The following SPTBN1 variants were observed in gnomAD, a reference collection of about 807,000 sequenced individuals.
The protein encoded by SPTBN1 is spectrin beta chain, non-erythrocytic 1.
A neutral mutation model predicts 266.4 loss-of-function variants in SPTBN1; 32 were observed. That is an observed-to-expected ratio of 0.12 (90% CI 0.09 to 0.16). SPTBN1 has a LOEUF of 0.16. Among genes scored for constraint, SPTBN1 ranks in the 10% least tolerant of loss-of-function variants. The probability of loss-of-function intolerance (pLI) is 1.00; values close to 1 mark genes in which losing one functional copy is unlikely to be tolerated. For synonymous variants in SPTBN1, 1,336 were observed against 1,162.2 expected (o/e 1.15, Z -3.04); for missense variants, 2,296 against 3,067.1 (o/e 0.75, Z 5.94).
intron 17 of SPTBN1, among the ~76,000 whole-genome samples, chr2:54,636,117 C>G (rs1200995709): frequency 6.6e-6 from 1 of 152,130 alleles, no homozygotes; most frequent in African/African-American, 2.4e-5. Context: ...GCTTTCTAAC[C>G]CATGCCTTGG....
intron 3 of SPTBN1, among the ~76,000 whole-genome samples, chr2:54,609,065 G>A (rs1445588800): frequency 2.6e-5 from 4 of 152,118 alleles, no homozygotes; most frequent in African/African-American, 9.7e-5. Flanking sequence ...TAGTAGAAGT[G>A]GAGGAGGTAG....
chr2:54,615,428 A>T (rs1677535594), intron 4 of SPTBN1, among the ~76,000 whole-genome samples: 2 of 152,276 alleles, frequency 1.3e-5, no homozygotes, highest in Non-Finnish European at 2.9e-5. Context: ...TAATAGACAA[A>T]AGTGTATTTG....
At position 54,664,326 on chromosome 2, in the gene SPTBN1, G is replaced by C. The variant is rs1681234336; in HGVS notation, c.6421-127G>C. The C allele has an allele frequency of 1.0e-6, 1 of 970,664 alleles. No individual in the cohort carries two copies. The allele number at this position is 970,664 out of a possible 1,614,324, so 60.1% of individuals were successfully genotyped here. A position where few individuals can be genotyped will look rare whatever the true frequency, so the allele number is the denominator to read the frequency against. The stretch of plus-strand genomic sequence containing the variant: ...CAGCTGGCTTTGTGGGTGTGCAATG[G>C]TTTTACTGTACTGCCTCGATCTGTG... On this transcript the variant is annotated intron_variant, in intron 32 of 35. Coordinates refer to ENST00000356805, the MANE Select transcript of SPTBN1 (RefSeq NM_003128.3). The surrounding 1 kb of genome is among the most constrained non-coding windows in gnomAD (Gnocchi z 5.6).
chr2:54,583,626 A>G (rs1675095661), intron 2 of SPTBN1, among the ~76,000 whole-genome samples: 1 of 152,208 alleles, frequency 6.6e-6, no homozygotes, highest in Non-Finnish European at 1.5e-5. Context: ...ATCTATTACA[A>G]GGAAGTATTA....
rs1678612645 is a variant in SPTBN1 at position 54,629,812 on chromosome 2, G to T, written c.2669+9G>T. ...GAGGTCATCCAGCACAGGTGAGCGGGGCGCTGGTCAGCCACTGGCCTGTTC... is the reference window on the plus strand; with the variant it reads ...GAGGTCATCCAGCACAGGTGAGCGGTGCGCTGGTCAGCCACTGGCCTGTTC... On this transcript the variant is annotated intron_variant, in intron 14 of 35. Transcript: ENST00000356805. 1 of 1,609,836 alleles carries T rather than the reference G, an allele frequency of 6.2e-7. No individual in the cohort carries two copies. The highest frequency in any genetic ancestry group is 8.5e-7 in the Non-Finnish European group (1 of 1,178,518).
intron 2 of SPTBN1, among the ~76,000 whole-genome samples, chr2:54,566,843 T>C (rs1022363483): frequency 2.0e-5 from 3 of 151,576 alleles, no homozygotes; most frequent in African/African-American, 4.8e-5. Flanking sequence ...AAAAAAAAAG[T>C]TTGATGATTG....
chr2:54,618,851 T>G (rs1677810756), intron 7 of SPTBN1, among the ~76,000 whole-genome samples: 1 of 152,146 alleles, frequency 6.6e-6, no homozygotes, highest in South Asian at 2.1e-4. Context: ...CATCCCATTA[T>G]CTGCACGGAA....
At chr2:54,591,438 G>T (rs1675674613) in intron 2 of SPTBN1, among the ~76,000 whole-genome samples, 2 of 152,138 alleles carry the variant, frequency 1.3e-5, no homozygotes, top group South Asian at 4.1e-4. Flanking sequence ...TCTTACTTAG[G>T]GGGTAGGCCA....
intron 2 of SPTBN1, among the ~76,000 whole-genome samples, chr2:54,584,253 C>A (rs1206048391): frequency 6.6e-6 from 1 of 152,106 alleles, no homozygotes; most frequent in Non-Finnish European, 1.5e-5. Context: ...ATAAGGATGT[C>A]CCGTATTTTA....
At chr2:54,458,039 T>G (rs1385789341) in intron 1 of SPTBN1, among the ~76,000 whole-genome samples, 1 of 152,132 alleles carries the variant, frequency 6.6e-6, no homozygotes, top group Admixed American at 6.5e-5. Context: ...AGTCGCAGCG[T>G]TTTTCTGTGG....
intron 1 of SPTBN1, among the ~76,000 whole-genome samples, chr2:54,461,706 T>G (rs534365799): frequency 3.3e-5 from 5 of 152,372 alleles, no homozygotes; most frequent in African/African-American, 1.2e-4. Context: ...CTGTTTACAT[T>G]ATTAACCATT....
intron 2 of SPTBN1, among the ~76,000 whole-genome samples, chr2:54,569,618 T>A (rs938953265): frequency 6.6e-6 from 1 of 152,230 alleles, no homozygotes; most frequent in African/African-American, 2.4e-5. Context: ...CTGTGCCTCT[T>A]ACCAAATATT....
At chr2:54,459,342 G>A (rs1365667449) in intron 1 of SPTBN1, among the ~76,000 whole-genome samples, 1 of 152,248 alleles carries the variant, frequency 6.6e-6, no homozygotes, top group Non-Finnish European at 1.5e-5. Flanking sequence ...GAGCAAATGA[G>A]AAGACCTCCC....
At chr2:54,614,782 G>A (rs528581131) in intron 4 of SPTBN1, among the ~76,000 whole-genome samples, 16 of 151,200 alleles carry the variant, frequency 1.1e-4, no homozygotes, top group Admixed American at 9.2e-4. Flanking sequence ...CAGCCTGGGC[G>A]ACAGAGACTG....
chr2:54,525,251 A>AT (rs533893721), intron 1 of SPTBN1, among the ~76,000 whole-genome samples: 55 of 147,326 alleles, frequency 3.7e-4, no homozygotes, highest in African/African-American at 6.7e-4. Flanking sequence ...TTACATCTTA[A>AT]TTTTTTTTTT....
At chr2:54,517,689 A>G (rs1317368293) in intron 1 of SPTBN1, among the ~76,000 whole-genome samples, 1 of 148,562 alleles carries the variant, frequency 6.7e-6, no homozygotes, top group Non-Finnish European at 1.5e-5. Context: ...TCTGCCACCC[A>G]GGCTGGAGTG....
In SPTBN1 at chr2:54,649,081, A is replaced by C; in HGVS notation, c.5093A>C (p.His1698Pro). 1 of 1,614,224 alleles carries C rather than the reference A, an allele frequency of 6.2e-7. No individual in the cohort carries two copies. The highest frequency in any genetic ancestry group is 8.5e-7 in the Non-Finnish European group (1 of 1,180,022). Residue 1698 changes from histidine to proline, a missense_variant, in exon 25 of 36, where the codon CAC becomes CCC. This residue lies in a region of SPTBN1 where 644 missense variants were observed against 745.3 expected (regional missense o/e 0.86). Coordinates refer to ENST00000356805, the MANE Select transcript of SPTBN1 (RefSeq NM_003128.3). This position sits in a 1 kb window ranked among gnomAD's most constrained non-coding sequence, Gnocchi z 6.7. ...EERRGKLDER[H>P]RLFQLNREVD... is the part of the protein sequence containing the mutation. ...AGAAGAGGCAAGCTGGATGAGAGACACAGGTTATTCCAGCTCAACCGGGAG... is the reference window on the plus strand; with the variant it reads ...AGAAGAGGCAAGCTGGATGAGAGACCCAGGTTATTCCAGCTCAACCGGGAG...
chr2:54,504,865 C>T (rs1466474803), intron 1 of SPTBN1, among the ~76,000 whole-genome samples: 1 of 151,926 alleles, frequency 6.6e-6, no homozygotes, highest in African/African-American at 2.4e-5. Context: ...TTTCCAGTGG[C>T]GTACTTAAAA....
intron 4 of SPTBN1, among the ~76,000 whole-genome samples, chr2:54,613,677 A>C (rs1677381315): frequency 2.0e-5 from 3 of 152,260 alleles, no homozygotes; most frequent in Non-Finnish European, 4.4e-5. Context: ...CAACATCATT[A>C]AAGGAGTTAA....
Sources: allele counts gnomAD v4.1 joint callset (sites outside exome capture counted in the v4.1 genomes callset), GRCh38; gene constraint gnomAD v4.1.1; regional missense constraint gnomAD v4.1.1; non-coding constraint Gnocchi (gnomAD v3.1); transcripts MANE v1.5; gene names NCBI Gene and HGNC (gene_info 2026-07-23, HGNC 2026-07-21).